The following FAM83B variants were observed in gnomAD, a reference collection of about 807,000 sequenced individuals.
FAM83B encodes the protein protein FAM83B.
A neutral mutation model predicts 38.8 loss-of-function variants in FAM83B; 26 were observed. That is an observed-to-expected ratio of 0.67 (90% CI 0.49 to 0.93). FAM83B has a LOEUF of 0.93. FAM83B is among the 40% of genes least tolerant of loss of function. The pLI, the probability that FAM83B is intolerant of heterozygous loss-of-function variation, is 0.00. For missense variants in FAM83B, 1,237 were observed against 1,197.3 expected, an observed-to-expected ratio of 1.03 and a Z score of -0.49; for synonymous variants, 419 against 423.1, an observed-to-expected ratio of 0.99 and a Z score of 0.12.
intron 2 of FAM83B, among the ~76,000 whole-genome samples, chr6:54,918,556 A>G (rs1019587429): frequency 6.6e-6 from 1 of 151,886 alleles, no homozygotes; most frequent in South Asian, 2.1e-4. Flanking sequence ...TGTAGAGTGA[A>G]GTGGGGGAAA....
intron 2 of FAM83B, among the ~76,000 whole-genome samples, chr6:54,891,954 G>T (rs1357064026): frequency 6.6e-6 from 1 of 152,058 alleles, no homozygotes; most frequent in Non-Finnish European, 1.5e-5. Flanking sequence ...AGCACACCTG[G>T]CCACAGGCAC....
At chr6:54,911,926 TTAAG>T (rs1159845805) in intron 2 of FAM83B, among the ~76,000 whole-genome samples, 6 of 152,066 alleles carry the variant, frequency 3.9e-5, no homozygotes, top group African/African-American at 7.2e-5. Context: ...TATGTAAAGT[TTAAG>T]TAAGTTTTTA....
intron 4 of FAM83B, 88 bp from the exon 5 acceptor site, chr6:54,939,618 A>G (rs1773607989): frequency 1.6e-6 from 2 of 1,223,434 alleles, no homozygotes; most frequent in Non-Finnish European, 2.2e-6. Context: ...GTACAAAAAC[A>G]TAGTCATTAA....
chr6:54,890,089 C>A (rs1239931113), intron 2 of FAM83B, among the ~76,000 whole-genome samples: 1 of 152,008 alleles, frequency 6.6e-6, no homozygotes, highest in African/African-American at 2.4e-5. Flanking sequence ...GCATCATATT[C>A]TTTACAGCTA....
intron 4 of FAM83B, among the ~76,000 whole-genome samples, chr6:54,930,105 T>C (rs1186155016): frequency 6.6e-6 from 1 of 152,134 alleles, no homozygotes; most frequent in Non-Finnish European, 1.5e-5. Context: ...TTCCTTCTTG[T>C]CTGCATTATA....
chr6:54,852,928 T>A, intron 1 of FAM83B, among the ~76,000 whole-genome samples: 1 of 120,520 alleles, frequency 8.3e-6, no homozygotes, highest in Non-Finnish European at 1.7e-5. Flanking sequence ...ATTATTCGAT[T>A]TTTGTTGCAA....
intron 1 of FAM83B, among the ~76,000 whole-genome samples, chr6:54,867,134 T>A (rs1428183225): frequency 1.3e-5 from 2 of 151,724 alleles, no homozygotes; most frequent in African/African-American, 4.8e-5. Context: ...TAAAAGAATA[T>A]GCTTCCTGGG....
In FAM83B at chr6:54,940,652, A is replaced by G. The variant is rs552459230; in HGVS notation, c.1681A>G (p.Thr561Ala). 6 of 1,614,054 alleles carry G rather than the reference A, an allele frequency of 3.7e-6. No individual in the cohort carries two copies. In the African/African-American group the frequency reaches 5.3e-5, roughly 14 times the overall value. ...GCAAAAGGAAGTTAACAGTTGTACA[A>G]CTGGCTCCTCAAATTCAACTATCAT... ...PEQKEVNSCT[T>A]GSSNSTIIGS... Residue 561 changes from threonine to alanine, a missense_variant, in exon 5 of 5, where the codon ACT (threonine) becomes GCT (alanine). Coordinates refer to ENST00000306858, the MANE Select transcript of FAM83B (RefSeq NM_001010872.3).
At chr6:54,895,099 A>G (rs932303169) in intron 2 of FAM83B, among the ~76,000 whole-genome samples, 5 of 152,246 alleles carry the variant, frequency 3.3e-5, no homozygotes, top group Admixed American at 3.3e-4. Context: ...TGCAAAGCCT[A>G]GGTCTTAACT....
intron 2 of FAM83B, among the ~76,000 whole-genome samples, chr6:54,892,807 A>G (rs181508407): frequency 6.6e-6 from 1 of 152,048 alleles, no homozygotes; most frequent in African/African-American, 2.4e-5. Context: ...TCCCTCCAAA[A>G]GGTGGAGCCA....
At chr6:54,880,052 TA>T (rs1772092218) in intron 2 of FAM83B, among the ~76,000 whole-genome samples, 1 of 152,206 alleles carries the variant, frequency 6.6e-6, no homozygotes, top group African/African-American at 2.4e-5. Flanking sequence ...TTTATTTCTG[TA>T]CAAAAAAAGT....
At chr6:54,931,022 A>G (rs747427849) in intron 4 of FAM83B, among the ~76,000 whole-genome samples, 16 of 151,936 alleles carry the variant, frequency 1.1e-4, no homozygotes, top group Non-Finnish European at 2.2e-4. Context: ...GTCTCAAGGT[A>G]TTTTCTAATT....
At chr6:54,861,753 G>A (rs1771589801) in intron 1 of FAM83B, among the ~76,000 whole-genome samples, 1 of 152,154 alleles carries the variant, frequency 6.6e-6, no homozygotes, top group Non-Finnish European at 1.5e-5. Flanking sequence ...CCGATAATGA[G>A]ATGCAGACAG....
In FAM83B at chr6:54,870,684, A is replaced by G; in HGVS notation, c.438A>G (p.Ala146=). ...KETIRKMIKE[A]RKVIALVMDI... ...CTATTCGGAAGATGATAAAAGAAGC[A>G]AGAAAGGTAATAACATTTCTATTTT... Residue 146 remains alanine (A), a synonymous_variant, in exon 2 of 5, where the codon GCA becomes GCG. Coordinates refer to ENST00000306858, the MANE Select transcript of FAM83B (RefSeq NM_001010872.3). The G allele has an allele frequency of 6.3e-7, 1 of 1,585,904 alleles. No individual in the cohort carries two copies.
chr6:54,916,743 C>T lies in FAM83B; in HGVS notation c.445-9628C>T, dbSNP rs114719514. On this transcript the variant is annotated intron_variant, in intron 2 of 4. Transcript: ENST00000306858. ...GTTCATGCTTTTCGATACCCCTCCT[C>T]TCTTCTGGATAGTACACAGATGAAT... Among the ~76,000 whole-genome samples the T allele has an allele frequency of 5.2e-3, 797 of 152,320 alleles. 4 individuals are homozygous for T. Among genetic ancestry groups the T allele is most frequent in the Non-Finnish European group, 7.9e-3 (537 of 68,018 alleles).
At chr6:54,853,067 A>C (rs1002993298) in intron 1 of FAM83B, among the ~76,000 whole-genome samples, 2 of 152,168 alleles carry the variant, frequency 1.3e-5, no homozygotes, top group Admixed American at 6.5e-5. Context: ...GCCAGCCACA[A>C]CATTCTCTGC....
intron 2 of FAM83B, among the ~76,000 whole-genome samples, chr6:54,924,213 A>G (rs932256727): frequency 2.8e-5 from 4 of 143,574 alleles, no homozygotes; most frequent in Non-Finnish European, 6.2e-5. Context: ...ACACACACAC[A>G]CACGCACACA....
At position 54,940,970 on chromosome 6, in the gene FAM83B, T is replaced by C. The variant is rs779251255; in HGVS notation, c.1999T>C (p.Leu667=). Residue 667 remains leucine (L), a synonymous_variant, in exon 5 of 5, where the codon TTA becomes CTA. Transcript: ENST00000306858. ...TCTACTTAAAAGGCGAAGTTTCCCGTTATTTGACAACTCAAAAGCCAACTT... is the reference window on the plus strand; with the variant it reads ...TCTACTTAAAAGGCGAAGTTTCCCGCTATTTGACAACTCAAAAGCCAACTT... ...ENLLKRRSFP[L]FDNSKANLDP... The C allele has an allele frequency of 3.9e-5, 63 of 1,613,812 alleles. No homozygotes were observed. The highest frequency in any genetic ancestry group is 5.2e-5 in the Non-Finnish European group (61 of 1,179,984).
chr6:54,849,785 T>C (rs1435091823), intron 1 of FAM83B, among the ~76,000 whole-genome samples: 1 of 132,452 alleles, frequency 7.5e-6, no homozygotes, highest in Non-Finnish European at 1.6e-5. Context: ...CATTTATCTT[T>C]TCAGCTGTGT....
Sources: allele counts gnomAD v4.1 joint callset (sites outside exome capture counted in the v4.1 genomes callset), GRCh38; gene constraint gnomAD v4.1.1; transcripts MANE v1.5; gene names NCBI Gene and HGNC (gene_info 2026-07-23, HGNC 2026-07-21).